Variants in CDH13 observed in about 807,000 individuals in gnomAD.
The protein encoded by CDH13 is cadherin-13.
A neutral mutation model predicts 63.8 loss-of-function variants in CDH13; 24 were observed. The ratio of observed to expected loss-of-function variants is 0.38; its 90% CI spans 0.27 to 0.53. The LOEUF is 0.53. Ranked by LOEUF, CDH13 falls within the 20% of genes least tolerant of loss-of-function variation. The pLI is 0.85. For synonymous variants in CDH13, 503 were observed against 355.3 expected (o/e 1.42, Z -4.67); for missense variants, 1,049 against 903.1 (o/e 1.16, Z -2.07).
At chr16:82,998,499 C>G (rs897065177) in intron 2 of CDH13, among the ~76,000 whole-genome samples, 2 of 152,120 alleles carry the variant, frequency 1.3e-5, no homozygotes, top group African/African-American at 4.8e-5. Context: ...GATGATAAAA[C>G]AAATGAGATC....
rs141274791 is a variant in CDH13 at position 83,592,508 on chromosome 16, G to A, written c.961-9946G>A. ...GCCTACAGGAGATGCTTTTTCCAGG[G>A]GTTCTAGGAACGCCATTGGCAGTTT... On this transcript the variant is annotated intron_variant, in intron 7 of 13. Transcript: ENST00000567109. Among the ~76,000 whole-genome samples, 429 of 152,172 alleles carry A rather than the reference G, an allele frequency of 2.8e-3. 5 individuals are homozygous for A. The highest frequency in any genetic ancestry group is 8.1e-3 in the African/African-American group (335 of 41,498).
At chr16:83,413,126 G>C (rs1420680305) in intron 6 of CDH13, among the ~76,000 whole-genome samples, 2 of 152,142 alleles carry the variant, frequency 1.3e-5, no homozygotes, top group Non-Finnish European at 1.5e-5. Context: ...TATTTAATTG[G>C]AAGTGTTTTA....
chr16:83,748,033 C>A (rs1415284817), intron 10 of CDH13, 75 bp from the exon 11 acceptor site: 9 of 1,515,810 alleles, frequency 5.9e-6, no homozygotes, highest in Non-Finnish European at 7.3e-6. Context: ...CCTAGGAGCT[C>A]ATGCCCTGCA....
chr16:82,662,681 A>G (rs8055256), intron 1 of CDH13, among the ~76,000 whole-genome samples: 30,902 of 152,168 alleles, frequency 0.2, 3,211 homozygotes, highest in Middle Eastern at 0.24. Context: ...ACCTCTCACT[A>G]CTAATCTTTG....
At position 82,881,798 on chromosome 16, in the gene CDH13, GT is replaced by G. The variant is rs544132432; in HGVS notation, c.157+23326del. On this transcript the variant is annotated intron_variant, in intron 2 of 13. Coordinates refer to ENST00000567109, the MANE Select transcript of CDH13 (RefSeq NM_001257.5). ...GGAGGAGGGGGCTGACTATCTGAGT[GT>G]CCCCCTGCGATACGATAGCATGTCA... 2.8e-4 allele frequency among the ~76,000 whole-genome samples: 43 copies of G among 152,134 alleles called. No individual in the cohort carries two copies. In the East Asian group the frequency reaches 7.4e-3, roughly 26 times the overall value.
intron 1 of CDH13, among the ~76,000 whole-genome samples, chr16:82,647,147 C>T (rs1910189469): frequency 6.6e-6 from 1 of 152,166 alleles, no homozygotes; most frequent in African/African-American, 2.4e-5. Flanking sequence ...CTCTGTGCCT[C>T]AGTTACCAGA....
At chr16:82,805,059 G>A (rs117057816) in intron 1 of CDH13, among the ~76,000 whole-genome samples, 155 of 152,310 alleles carry the variant, frequency 1.0e-3, no homozygotes, top group Non-Finnish European at 1.7e-3. Context: ...ACACGGCATC[G>A]TTAAGTATCC....
intron 6 of CDH13, among the ~76,000 whole-genome samples, chr16:83,456,551 C>G (rs539175237): frequency 3.3e-4 from 51 of 152,256 alleles, no homozygotes; most frequent in African/African-American, 1.2e-3. Context: ...AGAGCAGATA[C>G]TTGAGCCATT....
chr16:83,282,207 C>A (rs926088173), intron 5 of CDH13, among the ~76,000 whole-genome samples: 2 of 151,988 alleles, frequency 1.3e-5, no homozygotes, highest in African/African-American at 4.8e-5. Context: ...AAAACAGATA[C>A]AATAGTAACA....
chr16:83,496,354 C>T (rs1487351860), intron 7 of CDH13, among the ~76,000 whole-genome samples: 41 of 149,264 alleles, frequency 2.7e-4, no homozygotes, highest in East Asian at 7.9e-4. Context: ...GAAATAACGC[C>T]GCATATCTAC....
intron 5 of CDH13, among the ~76,000 whole-genome samples, chr16:83,229,781 C>G (rs1341156037): frequency 1.3e-5 from 2 of 152,136 alleles, no homozygotes; most frequent in African/African-American, 2.4e-5. Context: ...CGATGAGGGA[C>G]TATCTTATAT....
intron 7 of CDH13, among the ~76,000 whole-genome samples, chr16:83,568,378 G>A (rs1904307581): frequency 1.3e-5 from 2 of 152,126 alleles, no homozygotes; most frequent in Admixed American, 1.3e-4. Context: ...CCTTCTTCTT[G>A]AGTCTTGTAT....
intron 4 of CDH13, among the ~76,000 whole-genome samples, chr16:83,147,454 C>A (rs1242847226): frequency 6.6e-6 from 1 of 152,160 alleles, no homozygotes; most frequent in Non-Finnish European, 1.5e-5. Context: ...AAATTCCAAG[C>A]TTCTCTGTGT....
At chr16:82,693,832 C>T (rs777901611) in intron 1 of CDH13, among the ~76,000 whole-genome samples, 1 of 152,116 alleles carries the variant, frequency 6.6e-6, no homozygotes, top group Non-Finnish European at 1.5e-5. Flanking sequence ...CATGAGGTCC[C>T]CATTAAAATT....
intron 10 of CDH13, among the ~76,000 whole-genome samples, chr16:83,690,723 T>C (rs1425212050): frequency 6.6e-6 from 1 of 151,928 alleles, no homozygotes; most frequent in Non-Finnish European, 1.5e-5. Context: ...GAATTTGTTG[T>C]TGTTGTTTTT....
chr16:83,279,161 G>T (rs2089084758), intron 5 of CDH13, among the ~76,000 whole-genome samples: 1 of 151,940 alleles, frequency 6.6e-6, no homozygotes, highest in Non-Finnish European at 1.5e-5. Flanking sequence ...AGTTCTCTGG[G>T]AGGCCAAAGG....
chr16:82,758,431 C>A (rs867837632), intron 1 of CDH13, among the ~76,000 whole-genome samples: 2 of 151,834 alleles, frequency 1.3e-5, no homozygotes, highest in Admixed American at 1.3e-4. Flanking sequence ...TTGATACCCC[C>A]CCCCCTTTGC....
chr16:82,929,082 G>C (rs2042394521), intron 2 of CDH13, among the ~76,000 whole-genome samples: 1 of 152,178 alleles, frequency 6.6e-6, no homozygotes, highest in South Asian at 2.1e-4. Context: ...TTTTTTAAAT[G>C]ATTAGATCAC....
intron 10 of CDH13, among the ~76,000 whole-genome samples, chr16:83,726,760 C>A (rs1233369414): frequency 6.6e-6 from 1 of 151,914 alleles, no homozygotes; most frequent in Non-Finnish European, 1.5e-5. Flanking sequence ...ATGGCGTGAA[C>A]CCGGGAGGCG....
Sources: gnomAD v4.1 joint callset for allele counts (sites outside exome capture counted in the v4.1 genomes callset) on GRCh38, gnomAD v4.1.1 for gene constraint, MANE v1.5 for transcripts, NCBI Gene and HGNC (gene_info 2026-07-23, HGNC 2026-07-21) for gene names.